The following MEIKIN variants were observed in gnomAD, a reference collection of about 807,000 sequenced individuals.
MEIKIN encodes meiotic kinetochore factor.
chr5:131,854,387 G>A (rs1292863795), intron 10 of MEIKIN, among the ~76,000 whole-genome samples: 5 of 152,020 alleles, frequency 3.3e-5, no homozygotes, highest in Non-Finnish European at 7.4e-5. Flanking sequence ...AGTTTTGCAA[G>A]ATGAAAAAAG....
At chr5:131,891,862 CT>C (rs762827878) in intron 8 of MEIKIN, among the ~76,000 whole-genome samples, 7 of 152,168 alleles carry the variant, frequency 4.6e-5, no homozygotes, top group Non-Finnish European at 1.0e-4. Context: ...ACCGGTTGTT[CT>C]TTTCCGTGTT....
intron 7 of MEIKIN, among the ~76,000 whole-genome samples, chr5:131,912,784 A>G (rs891669518): frequency 3.9e-5 from 6 of 152,190 alleles, no homozygotes; most frequent in African/African-American, 1.4e-4. Context: ...CAAAAAGTTC[A>G]GTGTAATATT....
chr5:131,862,585 G>C (rs1160153727), intron 9 of MEIKIN, among the ~76,000 whole-genome samples: 3 of 151,956 alleles, frequency 2.0e-5, no homozygotes, highest in Admixed American at 2.0e-4. Flanking sequence ...ATTTACATAA[G>C]CACATACTAC....
rs1022793734 is a variant in MEIKIN at position 131,945,493 on chromosome 5, G to T, written c.13C>A (p.Arg5=). Residue 5 remains arginine (R), a synonymous_variant, in exon 1 of 13, where the codon CGG becomes AGG. Transcript: ENST00000442687. MWPL[R]VYTRKKREGQ... ...TCCCGCTTTTTGCGGGTATAGACCCGTAGCGGCCACATTGCTATCCCACCC... is the reference window on the plus strand; with the variant it reads ...TCCCGCTTTTTGCGGGTATAGACCCTTAGCGGCCACATTGCTATCCCACCC... The T allele has an allele frequency of 2.5e-6, 1 of 399,694 alleles. No homozygotes were observed. The highest frequency in any genetic ancestry group is 2.1e-5 in the African/African-American group (1 of 48,760). 24.8% of individuals were successfully genotyped at this position (399,694 alleles called of 1,614,324 possible). A position where few individuals can be genotyped will look rare whatever the true frequency, so the allele number is the denominator to read the frequency against.
At chr5:131,885,341 AAGAGAGAGAGAGAGAGAGAG>A (rs57363906) in intron 8 of MEIKIN, among the ~76,000 whole-genome samples, 16 of 61,970 alleles carry the variant, frequency 2.6e-4, no homozygotes, top group South Asian at 1.6e-3. Flanking sequence ...TCAGAACTGA[AAGAGAGAGAGAGAGAGAGAG>A]AGAGAGAGAG....
intron 12 of MEIKIN, among the ~76,000 whole-genome samples, chr5:131,815,624 G>A (rs1226718153): frequency 6.6e-6 from 1 of 152,224 alleles, no homozygotes; most frequent in African/African-American, 2.4e-5. Context: ...GGTGTTGACT[G>A]GGGCGACTGA....
Position 131,905,300 on chromosome 5 carries a change from G to GT in MEIKIN, c.703+6514dup, listed in dbSNP as rs1262739055. The stretch of plus-strand genomic sequence containing the variant: ...CTCTCTGGGACATAGCCAAAGCAAT[G>GT]TAAGAGGGAAGTTTATAGCACTAAA... On this transcript the variant is annotated intron_variant, in intron 8 of 12. Coordinates refer to ENST00000442687, the MANE Select transcript of MEIKIN (RefSeq NM_001303622.2). Among the ~76,000 whole-genome samples, 6 of 152,140 alleles carry GT rather than the reference G, an allele frequency of 3.9e-5. No homozygotes were observed. The South Asian group carries it at 1.2e-3, about 32-fold the overall frequency.
chr5:131,881,177 T>C (rs1161539786), intron 8 of MEIKIN, among the ~76,000 whole-genome samples: 1 of 152,224 alleles, frequency 6.6e-6, no homozygotes, highest in Non-Finnish European at 1.5e-5. Context: ...GGTTTCTGGT[T>C]TGCTAAACCA....
At chr5:131,835,286 G>A (rs1175160213) in intron 11 of MEIKIN, among the ~76,000 whole-genome samples, 1 of 151,668 alleles carries the variant, frequency 6.6e-6, no homozygotes, top group South Asian at 2.1e-4. Context: ...TCAGATATGT[G>A]GTTTGCAAAT....
chr5:131,928,843 ATAG>A (rs1751635800), intron 5 of MEIKIN, among the ~76,000 whole-genome samples: 1 of 152,212 alleles, frequency 6.6e-6, no homozygotes, highest in East Asian at 1.9e-4. Context: ...GAAGAGCTTA[ATAG>A]TAAACTACTA....
chr5:131,931,312 G>A (rs960252419), intron 5 of MEIKIN, among the ~76,000 whole-genome samples: 2 of 152,194 alleles, frequency 1.3e-5, no homozygotes, highest in Non-Finnish European at 2.9e-5. Flanking sequence ...TTTCTCTCCC[G>A]AGGGAGAAGC....
chr5:131,943,433 G>T (rs1417978622), intron 3 of MEIKIN, among the ~76,000 whole-genome samples: 1 of 152,172 alleles, frequency 6.6e-6, no homozygotes, highest in East Asian at 1.9e-4. Context: ...AAAACCTTCT[G>T]TAACAGAATG....
At chr5:131,898,930 T>C (rs936520144) in intron 8 of MEIKIN, among the ~76,000 whole-genome samples, 5 of 152,162 alleles carry the variant, frequency 3.3e-5, no homozygotes, top group Non-Finnish European at 7.4e-5. Context: ...CCACGGGCTG[T>C]ACCCACTGTC....
chr5:131,931,766 T>C lies in MEIKIN; in HGVS notation c.478+1747A>G, dbSNP rs138321360. On this transcript the variant is annotated intron_variant, in intron 5 of 12. Transcript: ENST00000442687. Reference sequence around the variant, plus strand: ...GGTCCATATATTGCTGTTGAATTGGTGTGTCCATAAGGAGTAGGCAGATCC... The same window carrying C: ...GGTCCATATATTGCTGTTGAATTGGCGTGTCCATAAGGAGTAGGCAGATCC... Among the ~76,000 whole-genome samples the C allele has an allele frequency of 3.3e-5, 5 of 152,348 alleles. No individual in the cohort carries two copies. The East Asian group carries it at 7.7e-4, about 23-fold the overall frequency.
At chr5:131,884,675 T>C (rs1315071061) in intron 8 of MEIKIN, among the ~76,000 whole-genome samples, 1 of 152,044 alleles carries the variant, frequency 6.6e-6, no homozygotes, top group Admixed American at 6.5e-5. Context: ...GATTTTATCT[T>C]GCACCTTAGA....
intron 11 of MEIKIN, among the ~76,000 whole-genome samples, chr5:131,843,227 G>A (rs887328829): frequency 1.3e-5 from 2 of 152,220 alleles, no homozygotes; most frequent in African/African-American, 4.8e-5. Flanking sequence ...TGTGATGGGA[G>A]GGGCTGTTGT....
chr5:131,811,220 T>C (rs575299163), intron 12 of MEIKIN, among the ~76,000 whole-genome samples: 99 of 152,322 alleles, frequency 6.5e-4, no homozygotes, highest in African/African-American at 2.3e-3. Context: ...AGACACACTT[T>C]GGTTTTGATT....
chr5:131,816,885 A>AT (rs1284642292), intron 12 of MEIKIN, among the ~76,000 whole-genome samples: 1 of 152,206 alleles, frequency 6.6e-6, no homozygotes, highest in Non-Finnish European at 1.5e-5. Context: ...TCAATTTTAG[A>AT]TATCAATTTG....
intron 4 of MEIKIN, among the ~76,000 whole-genome samples, chr5:131,934,302 C>G (rs1157852300): frequency 6.6e-6 from 1 of 151,872 alleles, no homozygotes; most frequent in Non-Finnish European, 1.5e-5. Flanking sequence ...TAATTGTAAG[C>G]TAACTAGCTG....
Sources: allele counts gnomAD v4.1 joint callset (sites outside exome capture counted in the v4.1 genomes callset), GRCh38; gene constraint gnomAD v4.1.1; transcripts MANE v1.5; gene names NCBI Gene and HGNC (gene_info 2026-07-23, HGNC 2026-07-21).